DCX: variants seen among roughly 807,000 people sequenced by gnomAD.
DCX encodes neuronal migration protein doublecortin.
In DCX, 4 loss-of-function variants were observed where a neutral mutation model predicts 20.9. The ratio of observed to expected loss-of-function variants is 0.19; its 90% CI spans 0.09 to 0.44. The LOEUF (loss-of-function observed/expected upper bound fraction) is 0.44, where lower values mean the gene tolerates loss of function less well. DCX is among the 20% of genes least tolerant of loss of function. The pLI is 0.99. For missense variants in DCX, 133 were observed against 296.9 expected (o/e 0.45, Z 4.06); for synonymous variants, 103 against 111.4 (o/e 0.92, Z 0.47).
chrX:111,393,599 T>A lies in DCX; in HGVS notation c.705+7391A>T, dbSNP rs754641081. Among the ~76,000 whole-genome samples, 68 of 111,900 alleles carry A rather than the reference T, an allele frequency of 6.1e-4. 2 individuals carry two copies. The highest frequency in any genetic ancestry group is 7.5e-5 in the Non-Finnish European group (4 of 53,120). On this transcript the variant is annotated intron_variant, in intron 3 of 6. Coordinates refer to ENST00000636035, the MANE Select transcript of DCX (RefSeq NM_001195553.2). The stretch of plus-strand genomic sequence containing the variant: ...AATCACATATGTGACAAAGGACTTG[T>A]ATCTAGAATATATAGAGAACTCTTA...
intron 3 of DCX, among the ~76,000 whole-genome samples, chrX:111,349,992 C>A (rs1162516057): frequency 1.8e-5 from 2 of 111,433 alleles, no homozygotes; most frequent in Non-Finnish European, 3.8e-5. Flanking sequence ...TATCAGGAAC[C>A]AGAACTCAGA....
chrX:111,303,423 C>G (rs2095038437), intron 6 of DCX, among the ~76,000 whole-genome samples: 1 of 110,007 alleles, frequency 9.1e-6, no homozygotes, highest in Non-Finnish European at 1.9e-5. Context: ...AACATAGCTT[C>G]TCCTTGAGGT....
intron 3 of DCX, among the ~76,000 whole-genome samples, chrX:111,365,932 G>A (rs1234398674): frequency 1.8e-5 from 2 of 111,566 alleles, no homozygotes. Flanking sequence ...GTGCATTGTA[G>A]AATGCTAAGT....
chrX:111,381,052 C>T (rs900823788), intron 3 of DCX, among the ~76,000 whole-genome samples: 1 of 110,420 alleles, frequency 9.1e-6, no homozygotes, highest in African/African-American at 3.3e-5. Flanking sequence ...GACTCCCAAT[C>T]AAAGATGTTT....
chrX:111,377,908 A>T (rs1158995342), intron 3 of DCX, among the ~76,000 whole-genome samples: 2 of 111,026 alleles, frequency 1.8e-5, no homozygotes, highest in African/African-American at 6.6e-5. Flanking sequence ...AGCCCAAAGG[A>T]CTTAACTAAT....
intron 5 of DCX, among the ~76,000 whole-genome samples, chrX:111,317,094 C>CA (rs1036723292): frequency 5.2e-4 from 58 of 111,459 alleles, no homozygotes; most frequent in Non-Finnish European, 7.7e-4. Flanking sequence ...CATATGGAAC[C>CA]AAAAAAATAG....
At chrX:111,404,985 G>A (rs1346350893) in intron 2 of DCX, among the ~76,000 whole-genome samples, 2 of 112,190 alleles carry the variant, frequency 1.8e-5, no homozygotes, top group South Asian at 3.7e-4. Flanking sequence ...TGGGGGCCTA[G>A]AGGGAAAGCT....
intron 3 of DCX, among the ~76,000 whole-genome samples, chrX:111,334,126 C>T (rs1443369771): frequency 8.9e-6 from 1 of 112,530 alleles, no homozygotes; most frequent in Non-Finnish European, 1.9e-5. Flanking sequence ...CTAACAACAG[C>T]TTGCTGGGTG....
At chrX:111,352,334 C>T (rs983710777) in intron 3 of DCX, among the ~76,000 whole-genome samples, 5 of 111,942 alleles carry the variant, frequency 4.5e-5, no homozygotes, top group Non-Finnish European at 7.5e-5. Flanking sequence ...CCACCTCTGA[C>T]GATGGCTTTA....
chrX:111,322,920 G>T (rs891179877), intron 5 of DCX, among the ~76,000 whole-genome samples: 1 of 112,019 alleles, frequency 8.9e-6, no homozygotes, highest in Non-Finnish European at 1.9e-5. Context: ...ATAAGGGGGA[G>T]AAGTAAGAGT....
At chrX:111,312,040 C>T (rs890534428) in intron 6 of DCX, among the ~76,000 whole-genome samples, 2 of 112,391 alleles carry the variant, frequency 1.8e-5, no homozygotes, top group East Asian at 2.8e-4. Flanking sequence ...AATTTATGTG[C>T]TTTTGTTATT....
At chrX:111,389,876 C>A (rs1926804576) in intron 3 of DCX, among the ~76,000 whole-genome samples, 1 of 111,791 alleles carries the variant, frequency 8.9e-6, no homozygotes, top group African/African-American at 3.3e-5. Context: ...CCTTCAATGA[C>A]CCTGACCTTT....
intron 3 of DCX, among the ~76,000 whole-genome samples, chrX:111,386,754 T>C (rs901033095): frequency 4.5e-5 from 5 of 111,420 alleles, no homozygotes; most frequent in African/African-American, 1.6e-4. Context: ...CAACTTTCAC[T>C]CCACCTTCAC....
intron 5 of DCX, among the ~76,000 whole-genome samples, chrX:111,327,578 G>A (rs776927404): frequency 8.9e-6 from 1 of 112,113 alleles, no homozygotes; most frequent in South Asian, 3.7e-4. Flanking sequence ...CTTATCTATA[G>A]AGATTCAAAT....
At chrX:111,355,187 A>AT (rs953700266) in intron 3 of DCX, among the ~76,000 whole-genome samples, 15 of 111,560 alleles carry the variant, frequency 1.3e-4, no homozygotes, top group African/African-American at 2.9e-4. Flanking sequence ...AAAGAAAAAG[A>AT]TTTTTTTTTA....
intron 3 of DCX, among the ~76,000 whole-genome samples, chrX:111,391,327 C>G (rs771232521): frequency 1.2e-4 from 13 of 111,407 alleles, no homozygotes; most frequent in South Asian, 3.8e-4. Flanking sequence ...TTTCCTGAGG[C>G]CTTCCAGTCA....
chrX:111,313,185 G>C (rs747125955), intron 5 of DCX, among the ~76,000 whole-genome samples: 1 of 110,755 alleles, frequency 9.0e-6, no homozygotes, highest in Non-Finnish European at 1.9e-5. Flanking sequence ...ATTTCCTTTG[G>C]TGCCAGATGA....
At chrX:111,317,428 A>C (rs997621890) in intron 5 of DCX, among the ~76,000 whole-genome samples, 3 of 111,450 alleles carry the variant, frequency 2.7e-5, no homozygotes, top group African/African-American at 9.8e-5. Flanking sequence ...AATTAACTCA[A>C]GGCGGATCAA....
chrX:111,403,518 G>T (rs1360549540), intron 2 of DCX, among the ~76,000 whole-genome samples: 1 of 111,073 alleles, frequency 9.0e-6, no homozygotes, highest in African/African-American at 3.3e-5. Context: ...AATCTATGTT[G>T]AGCACCTTCC....
Sources: gnomAD v4.1 joint callset for allele counts (sites outside exome capture counted in the v4.1 genomes callset) on GRCh38, gnomAD v4.1.1 for gene constraint, MANE v1.5 for transcripts, NCBI Gene and HGNC (gene_info 2026-07-23, HGNC 2026-07-21) for gene names.